GNA12: variants seen among roughly 807,000 people sequenced by gnomAD.
GNA12 encodes the protein G protein subunit alpha 12.
In GNA12, 9 loss-of-function variants were observed where a neutral mutation model predicts 26.0. The observed-to-expected ratio is 0.35, with a 90% CI of 0.21 to 0.60. GNA12 has a LOEUF of 0.60. GNA12 is among the 20% of genes least tolerant of loss of function. The probability of loss-of-function intolerance (pLI) is 0.78; values close to 1 mark genes in which losing one functional copy is unlikely to be tolerated. For synonymous variants in GNA12, 264 were observed against 219.6 expected, an observed-to-expected ratio of 1.20 and a Z score of -1.79; for missense variants, 405 against 525.8, an observed-to-expected ratio of 0.77 and a Z score of 2.25.
chr7:2,802,531 A>T (rs1385172530), intron 1 of GNA12, among the ~76,000 whole-genome samples: 1 of 152,122 alleles, frequency 6.6e-6, no homozygotes, highest in Non-Finnish European at 1.5e-5. Flanking sequence ...TTCCTTAGTA[A>T]AATCTTCCCA....
At chr7:2,775,110 T>A (rs895234181) in intron 2 of GNA12, among the ~76,000 whole-genome samples, 2 of 152,218 alleles carry the variant, frequency 1.3e-5, no homozygotes, top group African/African-American at 4.8e-5. Flanking sequence ...AGACAATACA[T>A]GCACAGAGTA....
rs140149678 is a variant in GNA12, at chr7:2,824,851, C to G, written c.309+19002G>C. On this transcript the variant is annotated intron_variant, in intron 1 of 3. Transcript: ENST00000275364. ...AGCACAGCCATCACCTAGGAGCTCACAGACCTCCCAGGCCTACTGAATAGA... is the reference window on the plus strand; with the variant it reads ...AGCACAGCCATCACCTAGGAGCTCAGAGACCTCCCAGGCCTACTGAATAGA... 4.3e-3 allele frequency among the ~76,000 whole-genome samples: 649 copies of G among 152,312 alleles called. 6 individuals carry two copies. The highest frequency in any genetic ancestry group is 0.015 in the African/African-American group (617 of 41,560).
chr7:2,785,054 T>A (rs1388042567), intron 2 of GNA12, among the ~76,000 whole-genome samples: 1 of 152,200 alleles, frequency 6.6e-6, no homozygotes, highest in Non-Finnish European at 1.5e-5. Context: ...TAGAGGTTTA[T>A]AAGTATATAA....
At chr7:2,785,783 A>C (rs1792343600) in intron 2 of GNA12, among the ~76,000 whole-genome samples, 1 of 152,246 alleles carries the variant, frequency 6.6e-6, no homozygotes, top group Non-Finnish European at 1.5e-5. Context: ...ACAATGGCTC[A>C]TGCCTGTAAT....
intron 1 of GNA12, among the ~76,000 whole-genome samples, chr7:2,797,801 T>C (rs773210107): frequency 3.3e-5 from 5 of 152,166 alleles, no homozygotes; most frequent in Non-Finnish European, 7.3e-5. Context: ...TTGGAGACCA[T>C]GCCTAGTTCT....
intron 2 of GNA12, chr7:2,762,926 C>A: frequency 7.1e-7 from 1 of 1,403,068 alleles, no homozygotes; most frequent in Admixed American, 3.3e-5. Flanking sequence ...CAGGCGGGGA[C>A]GCCCCAGACA....
intron 1 of GNA12, among the ~76,000 whole-genome samples, chr7:2,840,834 A>T (rs1043992863): frequency 1.3e-5 from 2 of 152,206 alleles, no homozygotes; most frequent in African/African-American, 4.8e-5. Flanking sequence ...AGCCTGGGTG[A>T]CAGAATGAGA....
rs554955403 is a variant in GNA12, at chr7:2,769,557, C to T, written c.525+25371G>A. On this transcript the variant is annotated intron_variant, in intron 2 of 3. Transcript: ENST00000275364. ...CATCCTGGCCAACACGGTGAAACCC[C>T]GTCTCTATTAAAAAAAATACAAAAA... 1.2e-3 allele frequency among the ~76,000 whole-genome samples: 186 copies of T among 152,000 alleles called. 1 individual carries two copies. Among genetic ancestry groups the T allele is most frequent in the Non-Finnish European group, 1.6e-3 (111 of 67,970 alleles).
At chr7:2,798,285 A>G (rs141635640) in intron 1 of GNA12, among the ~76,000 whole-genome samples, 1 of 152,330 alleles carries the variant, frequency 6.6e-6, no homozygotes, top group East Asian at 1.9e-4. Flanking sequence ...TGAAAATCCC[A>G]AAGTAATCTA....
intron 1 of GNA12, among the ~76,000 whole-genome samples, chr7:2,827,869 T>C (rs1473578951): frequency 6.6e-6 from 1 of 152,196 alleles, no homozygotes; most frequent in Non-Finnish European, 1.5e-5. Context: ...TTTAACCTAC[T>C]TCAAAAACAC....
chr7:2,788,881 C>T (rs1310286166), intron 2 of GNA12, among the ~76,000 whole-genome samples: 2 of 152,098 alleles, frequency 1.3e-5, no homozygotes, highest in Non-Finnish European at 2.9e-5. Flanking sequence ...AGTGCAGTGG[C>T]GTGATCTCTG....
intron 2 of GNA12, among the ~76,000 whole-genome samples, chr7:2,738,412 G>C (rs1790321974): frequency 6.6e-6 from 1 of 152,206 alleles, no homozygotes. Flanking sequence ...CACGCAGTCA[G>C]GGGCTACGCA....
intron 1 of GNA12, among the ~76,000 whole-genome samples, chr7:2,800,996 C>T (rs191293818): frequency 3.4e-4 from 51 of 152,224 alleles, no homozygotes; most frequent in South Asian, 4.2e-4. Flanking sequence ...AAAACTATCT[C>T]GGCACGGAGA....
chr7:2,766,449 C>A (rs945897584), intron 2 of GNA12, among the ~76,000 whole-genome samples: 18 of 149,886 alleles, frequency 1.2e-4, no homozygotes, highest in African/African-American at 4.4e-4. Context: ...GCAGTGGTGC[C>A]ATCTTGGCTC....
chr7:2,814,535 T>C, intron 1 of GNA12: 5 of 667,692 alleles, frequency 7.5e-6, no homozygotes, highest in Non-Finnish European at 1.3e-5. Context: ...TCTGCACCCA[T>C]GAAGTCTTTA....
chr7:2,795,152 TAAAAGAA>T lies in GNA12; in HGVS notation c.310-16_310-10del. Reference sequence around the variant, plus strand: ...ACAAGAACCCTTGAGCCCTAGAAAATAAAAGAAAGAAGAGAGGATTTAATTGCATTCC... The same window carrying T: ...ACAAGAACCCTTGAGCCCTAGAAAATAGAAGAGAGGATTTAATTGCATTCC... On this transcript the variant is annotated splice_polypyrimidine_tract_variant and intron_variant, in intron 1 of 3. Coordinates refer to ENST00000275364, the MANE Select transcript of GNA12 (RefSeq NM_007353.3). The T allele has an allele frequency of 1.2e-6, 2 of 1,603,020 alleles. No homozygotes were observed. Among genetic ancestry groups the T allele is most frequent in the Middle Eastern group, 1.7e-4 (1 of 6,028 alleles).
intron 1 of GNA12, among the ~76,000 whole-genome samples, chr7:2,824,403 G>A (rs925310220): frequency 6.6e-6 from 1 of 152,118 alleles, no homozygotes; most frequent in Non-Finnish European, 1.5e-5. Flanking sequence ...CTCTGGGTCT[G>A]CGGAGGCCTC....
At chr7:2,768,568 T>C (rs1276958809) in intron 2 of GNA12, among the ~76,000 whole-genome samples, 1 of 151,996 alleles carries the variant, frequency 6.6e-6, no homozygotes, top group Non-Finnish European at 1.5e-5. Context: ...AACCTAATGC[T>C]AATAAGTTTT....
At chr7:2,738,224 G>C (rs935008470) in intron 2 of GNA12, among the ~76,000 whole-genome samples, 11 of 151,932 alleles carry the variant, frequency 7.2e-5, no homozygotes, top group African/African-American at 2.2e-4. Flanking sequence ...AGACAAGCCT[G>C]GCCAACATGG....
Sources: allele counts gnomAD v4.1 joint callset (sites outside exome capture counted in the v4.1 genomes callset), GRCh38; gene constraint gnomAD v4.1.1; transcripts MANE v1.5; gene names NCBI Gene and HGNC (gene_info 2026-07-23, HGNC 2026-07-21).